HDAC7: variants seen among roughly 807,000 people sequenced by gnomAD.
HDAC7 encodes the protein histone deacetylase 7A.
A neutral mutation model predicts 115.5 loss-of-function variants in HDAC7; 26 were observed. That is an observed-to-expected ratio of 0.23 (90% CI 0.16 to 0.31). The LOEUF is 0.31. HDAC7 is among the 10% of genes least tolerant of loss of function. The pLI is 1.00. For synonymous variants in HDAC7, 564 were observed against 550.9 expected (o/e 1.02, Z -0.33); for missense variants, 1,068 against 1,329.0 (o/e 0.80, Z 3.05).
intron 1 of HDAC7, among the ~76,000 whole-genome samples, chr12:47,805,279 G>A (rs535281031): frequency 2.0e-5 from 3 of 150,616 alleles, no homozygotes; most frequent in Admixed American, 1.3e-4. Context: ...TTGTAGAGAC[G>A]AAGTCTTCCC....
At chr12:47,796,376 G>A in intron 7 of HDAC7, 78 bp from the exon 8 acceptor site, 2 of 965,352 alleles carry the variant, frequency 2.1e-6, no homozygotes, top group East Asian at 2.6e-5. Flanking sequence ...CCTGGTGCAG[G>A]AGACCCGGGA....
In HDAC7 at chr12:47,797,232, A is replaced by G. The variant is rs1592662157; in HGVS notation, c.578-90T>C. ...CAGTCCCAGTCATCTCTATCGGTCA[A>G]GGAAAGAGAAGGCAGAACTAGAAAG... On this transcript the variant is annotated intron_variant, in intron 6 of 25. Transcript: ENST00000080059. The surrounding 1 kb of genome is among the most constrained non-coding windows in gnomAD (Gnocchi z 5.5). 3 of 1,557,986 alleles carry G rather than the reference A, an allele frequency of 1.9e-6. No homozygotes were observed. Among genetic ancestry groups the G allele is most frequent in the Non-Finnish European group, 2.6e-6 (3 of 1,146,278 alleles).
chr12:47,792,171 C>A (rs2136945285), intron 13 of HDAC7, 167 bp from the exon 14 acceptor site: 2 of 740,292 alleles, frequency 2.7e-6, no homozygotes, highest in East Asian at 2.8e-5. Context: ...CCTACCCCAG[C>A]CCCAGCCCCT....
At chr12:47,809,969 C>T (rs1204083142) in intron 1 of HDAC7, among the ~76,000 whole-genome samples, 1 of 151,040 alleles carries the variant, frequency 6.6e-6, no homozygotes, top group Non-Finnish European at 1.5e-5. Context: ...GTTTTTGAGA[C>T]AGAATTTCAC....
chr12:47,807,428 T>G (rs977742729), intron 1 of HDAC7, among the ~76,000 whole-genome samples: 1 of 152,112 alleles, frequency 6.6e-6, no homozygotes, highest in African/African-American at 2.4e-5. Context: ...ATTAGATAAA[T>G]GAGTACGCTG....
chr12:47,784,441 G>T, intron 24 of HDAC7: 2 of 606,624 alleles, frequency 3.3e-6, no homozygotes, highest in Non-Finnish European at 5.8e-6. Flanking sequence ...CTGTGAGGGA[G>T]TCCTAGCAGG....
intron 1 of HDAC7, among the ~76,000 whole-genome samples, chr12:47,815,735 C>T (rs1041775514): frequency 1.3e-5 from 2 of 152,250 alleles, no homozygotes; most frequent in South Asian, 4.1e-4. Context: ...CCTCAGCCTC[C>T]CAAATAGCTG....
intron 22 of HDAC7, chr12:47,786,097 G>T (rs572637489): frequency 2.6e-5 from 14 of 538,924 alleles, no homozygotes; most frequent in Non-Finnish European, 4.2e-5. Context: ...CTTGGGAAAG[G>T]CCCCACAGCT....
At position 47,791,995 on chromosome 12, in the gene HDAC7, T is replaced by C; in HGVS notation, c.1688A>G (p.Tyr563Cys). The change falls in exon 14 of 26, where the codon TAT becomes TGT. Residue 563 changes from tyrosine (Y) to cysteine (C), a missense_variant. Around this residue, in one of 6 missense-constraint regions of HDAC7, gnomAD observed 618 missense variants for 701.5 expected, o/e 0.88. Coordinates refer to ENST00000080059, the MANE Select transcript of HDAC7 (RefSeq NM_015401.5). ...CTGGTGCTTCAGCATGACCGAGTCA[T>C]AGATCAGCCCTGCAGGAGCAAGGGT... ...RTLPFTTGLI[Y>C]DSVMLKHQCS... 2 of 1,608,918 alleles carry C rather than the reference T, an allele frequency of 1.2e-6. No homozygotes were observed.
At chr12:47,792,139 C>G in intron 13 of HDAC7, 135 bp from the exon 14 acceptor site, 1 of 999,768 alleles carries the variant, frequency 1.0e-6, no homozygotes, top group Non-Finnish European at 1.4e-6. Flanking sequence ...CACACCCACA[C>G]AGGCCTGCAT....
chr12:47,785,572 A>G, intron 23 of HDAC7, 101 bp from the exon 24 acceptor site: 2 of 1,373,900 alleles, frequency 1.5e-6, no homozygotes, highest in East Asian at 2.3e-5. Flanking sequence ...AGCACACTCT[A>G]CCTAGGCCAG....
chr12:47,788,258 C>T, intron 19 of HDAC7, 94 bp from the exon 20 acceptor site: 1 of 1,459,296 alleles, frequency 6.9e-7, no homozygotes, highest in Non-Finnish European at 9.1e-7. Flanking sequence ...ATTCTGAGGT[C>T]AGGACCCTAG....
rs762725269 is a variant in HDAC7, at chr12:47,785,213, C to T, written c.2791+174G>A. The stretch of plus-strand genomic sequence containing the variant: ...CATCGGGGGGGCTCAGAGGATAACC[C>T]CTCACTGGGGGGTGCTCACCATTGC... On this transcript the variant is annotated intron_variant, in intron 24 of 25. Coordinates refer to ENST00000080059, the MANE Select transcript of HDAC7 (RefSeq NM_015401.5). 7.8e-5 allele frequency: 49 copies of T among 632,096 alleles called. No individual in the cohort carries two copies. In the African/African-American group the frequency reaches 8.8e-4, roughly 11 times the overall value. The allele number at this position is 632,096 out of a possible 1,614,324, so 39.2% of individuals were successfully genotyped here.
intron 16 of HDAC7, chr12:47,790,218 TG>T (rs1943410736): frequency 2.6e-6 from 1 of 387,634 alleles, no homozygotes; most frequent in South Asian, 2.7e-5. Flanking sequence ...GGGCGGGACT[TG>T]GGGTTTGGGC....
upstream of HDAC7, chr12:47,820,066 C>T (rs1324507554): frequency 2.0e-5 from 3 of 151,638 alleles, no homozygotes; most frequent in Non-Finnish European, 4.4e-5. This position sits in a 1 kb window ranked among gnomAD's most constrained non-coding sequence, Gnocchi z 4.3. Context: ...GACACTGCAC[C>T]GCGCGGCGCA....
intron 1 of HDAC7, among the ~76,000 whole-genome samples, chr12:47,802,697 G>A (rs1944227576): frequency 6.6e-6 from 1 of 152,112 alleles, no homozygotes; most frequent in Non-Finnish European, 1.5e-5. Context: ...CTGGCTGGGG[G>A]GATGGCTGGG....
Position 47,788,239 on chromosome 12 carries a change from T to C in HDAC7, c.2236-75A>G, listed in dbSNP as rs377760027. On this transcript the variant is annotated intron_variant, in intron 19 of 25. Coordinates refer to ENST00000080059, the MANE Select transcript of HDAC7 (RefSeq NM_015401.5). ...AGGACAGGTTAGAAGGGTTTCAAGG[T>C]CAGTGGCCATTCTGAGGTCAGGACC... 1,214 of 1,501,918 alleles carry C rather than the reference T, an allele frequency of 8.1e-4. 8 individuals carry two copies. In the South Asian group the frequency reaches 9.9e-3, roughly 12 times the overall value. The allele number at this position is 1,501,918 out of a possible 1,614,324, so 93.0% of individuals were successfully genotyped here. A position where few individuals can be genotyped will look rare whatever the true frequency, so the allele number is the denominator to read the frequency against.
intron 1 of HDAC7, chr12:47,802,593 A>G (rs1471845140): frequency 1.6e-5 from 15 of 943,198 alleles, no homozygotes; most frequent in African/African-American, 3.3e-5. Flanking sequence ...TCCTGTGGTC[A>G]GATACAATCT....
intron 18 of HDAC7, 72 bp downstream of exon 18, chr12:47,789,451 G>GA: frequency 6.3e-7 from 1 of 1,581,210 alleles, no homozygotes. Flanking sequence ...GAAGAAGAGA[G>GA]AATGTCCCTG....
Sources: allele counts gnomAD v4.1 joint callset (sites outside exome capture counted in the v4.1 genomes callset), GRCh38; gene constraint gnomAD v4.1.1; regional missense constraint gnomAD v4.1.1; non-coding constraint Gnocchi (gnomAD v3.1); transcripts MANE v1.5; gene names NCBI Gene and HGNC (gene_info 2026-07-23, HGNC 2026-07-21).